ZMYND8: variants seen among roughly 807,000 people sequenced by gnomAD.
The protein encoded by ZMYND8 is zinc finger MYND-type containing 8.
ZMYND8 carries 37 observed loss-of-function variants against 140.8 expected under a neutral mutation model. The ratio of observed to expected loss-of-function variants is 0.26; its 90% CI spans 0.20 to 0.35. The LOEUF (loss-of-function observed/expected upper bound fraction) is 0.35, where lower values mean the gene tolerates loss of function less well. Ranked by LOEUF, ZMYND8 falls within the 10% of genes least tolerant of loss-of-function variation. ZMYND8 has a pLI of 1.00. For synonymous variants in ZMYND8, 592 were observed against 597.1 expected, an observed-to-expected ratio of 0.99 and a Z score of 0.12; for missense variants, 1,068 against 1,570.0, an observed-to-expected ratio of 0.68 and a Z score of 5.40.
intron 10 of ZMYND8, among the ~76,000 whole-genome samples, chr20:47,278,600 G>A (rs927013307): frequency 3.1e-4 from 47 of 151,728 alleles, no homozygotes; most frequent in African/African-American, 9.0e-4. Context: ...CAATACAGGC[G>A]GATTGTTTGC....
chr20:47,233,205 CTTTT>C (rs1174729822), intron 16 of ZMYND8, among the ~76,000 whole-genome samples: 4 of 91,358 alleles, frequency 4.4e-5, no homozygotes, highest in African/African-American at 1.0e-4. Flanking sequence ...CCGCACCAGG[CTTTT>C]TTTTTTTTTT....
At position 47,330,096 on chromosome 20, in the gene ZMYND8, G is replaced by A. The variant is rs183668119; in HGVS notation, c.85+17760C>T. On this transcript the variant is annotated intron_variant, in intron 2 of 22. Coordinates refer to ENST00000471951, the MANE Select transcript of ZMYND8 (RefSeq NM_001281775.3). ...GGGTTCAGGCCAAGAGAGGGCTTGG[G>A]TCTCCATGGACACAGTGAGGATGGT... 5.4e-4 allele frequency among the ~76,000 whole-genome samples: 82 copies of A among 152,266 alleles called. 1 individual carries two copies. In the East Asian group the frequency reaches 0.014, roughly 26 times the overall value.
intron 2 of ZMYND8, among the ~76,000 whole-genome samples, chr20:47,326,057 A>T (rs1317954690): frequency 6.6e-6 from 1 of 152,168 alleles, no homozygotes; most frequent in Non-Finnish European, 1.5e-5. Flanking sequence ...TCCCAAGTTC[A>T]AGCAATTCTC....
chr20:47,216,828 G>T (rs935725418), intron 21 of ZMYND8, among the ~76,000 whole-genome samples: 1 of 152,062 alleles, frequency 6.6e-6, no homozygotes, highest in Admixed American at 6.5e-5. Context: ...AATAAAAAAA[G>T]AACACAGGTC....
At chr20:47,228,190 T>C (rs1601008146) in intron 17 of ZMYND8, among the ~76,000 whole-genome samples, 1 of 152,170 alleles carries the variant, frequency 6.6e-6, no homozygotes, top group Admixed American at 6.6e-5. Context: ...CTCTCCCCTG[T>C]CATGAGAATG....
intron 19 of ZMYND8, 85 bp from the exon 20 acceptor site, chr20:47,221,559 A>G: frequency 2.7e-6 from 4 of 1,473,418 alleles, no homozygotes; most frequent in Non-Finnish European, 3.6e-6. Flanking sequence ...CCCTGCACCC[A>G]GTGGCACCCA....
chr20:47,270,897 A>G (rs1257201032), intron 11 of ZMYND8, among the ~76,000 whole-genome samples: 1 of 151,708 alleles, frequency 6.6e-6, no homozygotes, highest in East Asian at 1.9e-4. Context: ...CTAACATGGT[A>G]AAACCCTGTC....
At chr20:47,345,042 C>T (rs2082225852) in intron 2 of ZMYND8, among the ~76,000 whole-genome samples, 1 of 152,028 alleles carries the variant, frequency 6.6e-6, no homozygotes, top group African/African-American at 2.4e-5. Context: ...AGCTTGAGCC[C>T]AGGAGATTGA....
chr20:47,305,399 C>G (rs933356296), intron 3 of ZMYND8, among the ~76,000 whole-genome samples: 4 of 151,952 alleles, frequency 2.6e-5, no homozygotes, highest in African/African-American at 9.7e-5. Context: ...CACCACCATG[C>G]CTGGCTAATT....
intron 2 of ZMYND8, among the ~76,000 whole-genome samples, chr20:47,344,812 A>T (rs1320809506): frequency 2.0e-5 from 3 of 152,340 alleles, no homozygotes; most frequent in African/African-American, 4.8e-5. Context: ...AGTTCATTTT[A>T]AAAATGTAAT....
At position 47,255,111 on chromosome 20, in the gene ZMYND8, C is replaced by T. The variant is rs563523553; in HGVS notation, c.1622-5672G>A. On this transcript the variant is annotated intron_variant, in intron 12 of 22. Transcript: ENST00000471951. ...ACACCAGCCTGGGCAAACAGAGCGA[C>T]GCTCCATCTCAAAAAAATAAATAAA... Among the ~76,000 whole-genome samples, 9 of 152,066 alleles carry T rather than the reference C, an allele frequency of 5.9e-5. No homozygotes were observed. In the South Asian group the frequency reaches 8.3e-4, roughly 14 times the overall value.
At position 47,256,639 on chromosome 20, in the gene ZMYND8, G is replaced by A. The variant is rs2074754467; in HGVS notation, c.1621+5649C>T. ...CATCTCAAAAAAGAGAGAGACCCTG[G>A]CAGACACTATCTTTCAGTCAAAGCC... is the stretch of plus-strand genomic sequence containing the variant. On this transcript the variant is annotated intron_variant, in intron 12 of 22. Transcript: ENST00000471951. Among the ~76,000 whole-genome samples the A allele has an allele frequency of 1.3e-5, 2 of 152,070 alleles. 1 individual carries two copies. The highest frequency in any genetic ancestry group is 4.1e-4 in the South Asian group (2 of 4,820).
At chr20:47,350,946 T>C (rs182196738) in intron 1 of ZMYND8, among the ~76,000 whole-genome samples, 1 of 152,334 alleles carries the variant, frequency 6.6e-6, no homozygotes, top group East Asian at 1.9e-4. Context: ...TTAGATACAT[T>C]GTATACACCA....
chr20:47,283,450 A>T, intron 9 of ZMYND8, 121 bp downstream of exon 9: 1 of 1,008,700 alleles, frequency 9.9e-7, no homozygotes, highest in Non-Finnish European at 1.5e-6. Flanking sequence ...ATCAGCAAAA[A>T]ATTATCTTAA....
intron 11 of ZMYND8, among the ~76,000 whole-genome samples, chr20:47,264,856 G>A (rs1485714301): frequency 2.0e-5 from 3 of 151,852 alleles, no homozygotes; most frequent in African/African-American, 4.8e-5. Context: ...GTAACATGGC[G>A]AAGCCTCATC....
At chr20:47,268,703 G>A (rs1206291250) in intron 11 of ZMYND8, among the ~76,000 whole-genome samples, 1 of 580 alleles carries the variant, frequency 1.7e-3, no homozygotes, top group Non-Finnish European at 4.0e-3. Context: ...CCTGAACCTG[G>A]GATGCGGAGG....
At chr20:47,320,256 C>T (rs2079820356) in intron 2 of ZMYND8, 3 of 152,230 alleles carry the variant, frequency 2.0e-5, no homozygotes, top group Admixed American at 2.0e-4. Flanking sequence ...CCAAGGTCCC[C>T]ATCTGCCCTG....
intron 2 of ZMYND8, among the ~76,000 whole-genome samples, chr20:47,342,286 T>C (rs1439351608): frequency 1.3e-5 from 2 of 152,138 alleles, no homozygotes; most frequent in African/African-American, 4.8e-5. Context: ...GGCTCACACC[T>C]GTAATCCCAG....
At chr20:47,308,144 C>CA (rs2078644018) in intron 3 of ZMYND8, among the ~76,000 whole-genome samples, 2 of 146,842 alleles carry the variant, frequency 1.4e-5, no homozygotes, top group Non-Finnish European at 3.0e-5. Context: ...TTGAAAAACT[C>CA]AGTTCCTCAG....
Sources: allele counts gnomAD v4.1 joint callset (sites outside exome capture counted in the v4.1 genomes callset), GRCh38; gene constraint gnomAD v4.1.1; transcripts MANE v1.5; gene names NCBI Gene and HGNC (gene_info 2026-07-23, HGNC 2026-07-21).